Variants in ARMH1 observed in about 807,000 individuals in gnomAD.
ARMH1 encodes the protein armadillo-like helical domain containing protein 1.
A neutral mutation model predicts 50.2 loss-of-function variants in ARMH1; 34 were observed. That is an observed-to-expected ratio of 0.68 (90% CI 0.51 to 0.90). ARMH1 has a LOEUF of 0.90. Ranked by LOEUF, ARMH1 falls within the 40% of genes least tolerant of loss-of-function variation. The pLI is 0.00. For missense variants in ARMH1, 538 were observed against 553.9 expected (o/e 0.97, Z 0.29); for synonymous variants, 221 against 224.2 (o/e 0.99, Z 0.13).
chr1:44,678,821 A>G (rs942218324), intron 1 of ARMH1, among the ~76,000 whole-genome samples: 6 of 152,102 alleles, frequency 3.9e-5, no homozygotes, highest in Admixed American at 6.5e-5. Flanking sequence ...CCTCTGGGAA[A>G]TTTTATTTAG....
intron 1 of ARMH1, among the ~76,000 whole-genome samples, chr1:44,675,104 A>G (rs1241764413): frequency 2.6e-5 from 4 of 152,126 alleles, no homozygotes; most frequent in Non-Finnish European, 5.9e-5. Flanking sequence ...CAGCATATTT[A>G]CATACTATGT....
intron 4 of ARMH1, 39 bp downstream of exon 4, chr1:44,698,268 C>T (rs1220561160): frequency 1.3e-6 from 2 of 1,498,862 alleles, no homozygotes; most frequent in Non-Finnish European, 1.8e-6. Flanking sequence ...TCCCTAGGGG[C>T]CTGAATGACA....
chr1:44,697,425 G>GA (rs1645864957), intron 3 of ARMH1, among the ~76,000 whole-genome samples: 1 of 152,246 alleles, frequency 6.6e-6, no homozygotes. Context: ...ATTGGACTCA[G>GA]AAAAAGGAAA....
chr1:44,721,754 C>T lies in ARMH1; in HGVS notation c.725-2368C>T, dbSNP rs79241803. 8.0e-3 allele frequency: 1,224 copies of T among 152,258 alleles called. 7 individuals are homozygous for T. Among genetic ancestry groups the T allele is most frequent in the Non-Finnish European group, 0.013 (899 of 68,004 alleles). 9.4% of individuals were successfully genotyped at this position (152,258 alleles called of 1,614,324 possible). A position where few individuals can be genotyped will look rare whatever the true frequency, so the allele number is the denominator to read the frequency against. On this transcript the variant is annotated intron_variant, in intron 6 of 11. Coordinates refer to ENST00000535358, the MANE Select transcript of ARMH1 (RefSeq NM_001145636.2). ...ACCTCCCAAAGCATGAAACACCCCA[C>T]CCACACGTCTCTCTTTAGTAACAGA...
intron 4 of ARMH1, among the ~76,000 whole-genome samples, chr1:44,700,109 C>T (rs748347849): frequency 2.0e-5 from 3 of 152,006 alleles, no homozygotes; most frequent in Non-Finnish European, 4.4e-5. Flanking sequence ...GGATTACAGG[C>T]GTGAGCCACA....
chr1:44,724,750 C>A lies in ARMH1; in HGVS notation c.1051-12C>A. ...GCCCCCGCAGTCACGCCGCCTCGCC[C>A]GCGCGGCGCAGTGCTTCGTGCAGAT... On this transcript the variant is annotated splice_polypyrimidine_tract_variant and intron_variant, in intron 9 of 11. Coordinates refer to ENST00000535358, the MANE Select transcript of ARMH1 (RefSeq NM_001145636.2). The surrounding 1 kb of genome is among the most constrained non-coding windows in gnomAD (Gnocchi z 6.4). 6.5e-7 allele frequency: 1 copy of A among 1,528,168 alleles called. No individual in the cohort carries two copies. Among genetic ancestry groups the A allele is most frequent in the Non-Finnish European group, 8.8e-7 (1 of 1,141,226 alleles). The allele number at this position is 1,528,168 out of a possible 1,614,324, so 94.7% of individuals were successfully genotyped here. A position where few individuals can be genotyped will look rare whatever the true frequency, so the allele number is the denominator to read the frequency against.
rs1645710707 is a variant in ARMH1 at position 44,693,052 on chromosome 1, ATAT to A, written c.206+3154_206+3156del. On this transcript the variant is annotated intron_variant, in intron 2 of 11. Transcript: ENST00000535358. ...GCCACCACACCCAGTCTGTTCTCAA[ATAT>A]TATTGTGCATAAAAGAGGTTTAAAA... 2.0e-5 allele frequency: 3 copies of A among 152,128 alleles called. No homozygotes were observed. The South Asian group carries it at 6.2e-4, about 31-fold the overall frequency. The allele number at this position is 152,128 out of a possible 1,614,324, so 9.4% of individuals were successfully genotyped here. A position where few individuals can be genotyped will look rare whatever the true frequency, so the allele number is the denominator to read the frequency against.
chr1:44,685,514 T>C (rs1162404067), intron 1 of ARMH1, among the ~76,000 whole-genome samples: 1 of 152,124 alleles, frequency 6.6e-6, no homozygotes, highest in Non-Finnish European at 1.5e-5. Flanking sequence ...TCTCACTGTG[T>C]TGCCCAGGCT....
intron 1 of ARMH1, among the ~76,000 whole-genome samples, chr1:44,675,816 C>T (rs1379167877): frequency 6.6e-5 from 10 of 152,120 alleles, no homozygotes; most frequent in African/African-American, 1.7e-4. Flanking sequence ...AAAAATTAGC[C>T]GGGCATGGTG....
intron 6 of ARMH1, among the ~76,000 whole-genome samples, chr1:44,716,512 T>C (rs919363608): frequency 1.3e-5 from 2 of 152,324 alleles, no homozygotes; most frequent in East Asian, 3.9e-4. Flanking sequence ...CCAAAGCTTT[T>C]CTTCTCCAAG....
At chr1:44,694,664 C>T (rs557604994) in intron 2 of ARMH1, among the ~76,000 whole-genome samples, 58 of 152,032 alleles carry the variant, frequency 3.8e-4, no homozygotes, top group African/African-American at 1.1e-3. Context: ...CATGCACCAC[C>T]GTGCCCAGCT....
Position 44,681,440 on chromosome 1 carries a change from A to G in ARMH1, c.-23+6567A>G, listed in dbSNP as rs564475916. ...GCATTGAGCTATGACGGTGCTGTGC[A>G]CTCCAGCCTGAGTGACAAGAGTGAG... On this transcript the variant is annotated intron_variant, in intron 1 of 11. Coordinates refer to ENST00000535358, the MANE Select transcript of ARMH1 (RefSeq NM_001145636.2). This position sits in a 1 kb window ranked among gnomAD's most constrained non-coding sequence, Gnocchi z 4.3. Among the ~76,000 whole-genome samples the G allele has an allele frequency of 1.3e-5, 2 of 152,218 alleles. No homozygotes were observed. Among genetic ancestry groups the G allele is most frequent in the Admixed American group, 6.5e-5 (1 of 15,294 alleles).
chr1:44,710,608 CA>C (rs56731047), intron 6 of ARMH1, among the ~76,000 whole-genome samples: 5,031 of 92,844 alleles, frequency 0.054, 330 homozygotes, highest in East Asian at 0.41. Context: ...GACTCCGTCT[CA>C]AAAAAAAAAA....
At chr1:44,714,029 A>G (rs1646735333) in intron 6 of ARMH1, among the ~76,000 whole-genome samples, 1 of 152,142 alleles carries the variant, frequency 6.6e-6, no homozygotes, top group Admixed American at 6.6e-5. Flanking sequence ...TGTACCCAGC[A>G]CTTTGGGAGG....
chr1:44,690,360 G>C, intron 2 of ARMH1, among the ~76,000 whole-genome samples: 1 of 152,120 alleles, frequency 6.6e-6, no homozygotes, highest in East Asian at 1.9e-4. Flanking sequence ...AATCCTTAGA[G>C]TCAAGAACTC....
chr1:44,711,990 C>A (rs1646631940), intron 6 of ARMH1, among the ~76,000 whole-genome samples: 1 of 152,220 alleles, frequency 6.6e-6, no homozygotes, highest in African/African-American at 2.4e-5. Context: ...GTAGATCAAA[C>A]CCAGTCAGTC....
rs1645311614 is a variant in ARMH1 at position 44,681,462 on chromosome 1, T to G, written c.-23+6589T>G. ...TGCACTCCAGCCTGAGTGACAAGAGTGAGCCCCTATCTCGAATAAATACAC... is the reference window on the plus strand; with the variant it reads ...TGCACTCCAGCCTGAGTGACAAGAGGGAGCCCCTATCTCGAATAAATACAC... On this transcript the variant is annotated intron_variant, in intron 1 of 11. Transcript: ENST00000535358. This position sits in a 1 kb window ranked among gnomAD's most constrained non-coding sequence, Gnocchi z 4.3. 6.6e-6 allele frequency among the ~76,000 whole-genome samples: 1 copy of G among 151,694 alleles called. No individual in the cohort carries two copies. Among genetic ancestry groups the G allele is most frequent in the African/African-American group, 2.4e-5 (1 of 41,276 alleles).
Position 44,724,600 on chromosome 1 carries a change from G to A in ARMH1, c.982G>A (p.Gly328Ser). 3.3e-6 allele frequency: 5 copies of A among 1,516,752 alleles called. No homozygotes were observed. In the East Asian group the frequency reaches 1.1e-4, roughly 32 times the overall value. The allele number at this position is 1,516,752 out of a possible 1,614,324, so 94.0% of individuals were successfully genotyped here. Residue 328 changes from glycine to serine, a missense_variant, in exon 9 of 12, where the codon GGC (glycine) becomes AGC (serine). Physicochemically the swap from Gly to Ser is moderately conservative, Grantham distance 56 (BLOSUM62 0). Transcript: ENST00000535358. This position sits in a 1 kb window ranked among gnomAD's most constrained non-coding sequence, Gnocchi z 6.4. ...GCTGCTGTACCTGCGCGTGGTGCGT[G>A]GCCTAATGGCCGCCATGGGCAACAC... The part of the protein sequence containing the change: ...EELLYLRVVR[G>S]LMAAMGNTDH...
intron 1 of ARMH1, 74 bp downstream of exon 1, chr1:44,674,947 CTGGATGGATGGA>C (rs113637216): frequency 6.6e-6 from 1 of 150,944 alleles, no homozygotes; most frequent in Non-Finnish European, 1.5e-5. Flanking sequence ...GAGGCATATT[CTGGATGGATGGA>C]TGGATGGATG....
Sources: gnomAD v4.1 joint callset for allele counts (sites outside exome capture counted in the v4.1 genomes callset) on GRCh38, gnomAD v4.1.1 for gene constraint, Gnocchi (gnomAD v3.1) non-coding constraint, MANE v1.5 for transcripts, NCBI Gene and HGNC (gene_info 2026-07-23, HGNC 2026-07-21) for gene names.